Variants in SLC43A2 observed in about 807,000 individuals in gnomAD.
SLC43A2 encodes solute carrier family 43 member 2.
SLC43A2 carries 38 observed loss-of-function variants against 63.2 expected under a neutral mutation model. The ratio of observed to expected loss-of-function variants is 0.60; its 90% CI spans 0.46 to 0.79. The LOEUF is 0.79. SLC43A2 is among the 30% of genes least tolerant of loss of function. SLC43A2 has a pLI of 0.00. For synonymous variants in SLC43A2, 322 were observed against 331.0 expected, an observed-to-expected ratio of 0.97 and a Z score of 0.30; for missense variants, 644 against 756.2, an observed-to-expected ratio of 0.85 and a Z score of 1.74.
intron 5 of SLC43A2, among the ~76,000 whole-genome samples, chr17:1,600,856 AC>A (rs938585846): frequency 8.9e-5 from 13 of 146,180 alleles, no homozygotes; most frequent in Admixed American, 8.8e-4. Flanking sequence ...TTGCGCCCAG[AC>A]TTTTTTTTTT....
At chr17:1,604,739 C>T (rs769457182) in intron 5 of SLC43A2, 2 of 1,535,840 alleles carry the variant, frequency 1.3e-6, no homozygotes, top group East Asian at 2.4e-5. Flanking sequence ...CCTGCCCTCA[C>T]CTCCTGCTGT....
At position 1,575,595 on chromosome 17, in the gene SLC43A2, C is replaced by T. The variant is rs1159648924; in HGVS notation, c.*9G>A. The T allele has an allele frequency of 7.4e-6, 12 of 1,613,758 alleles. No individual in the cohort carries two copies. Among genetic ancestry groups the T allele is most frequent in the African/African-American group, 2.7e-5 (2 of 74,924 alleles). On this transcript the variant is annotated 3_prime_UTR_variant, in exon 14 of 14. Transcript: ENST00000301335. ...CAGGCAGGAGACCGCAGTTCCGAGG[C>T]GGCAGCCACTACACGAAGGCCTCCT...
rs773994503 is a variant in SLC43A2 at position 1,583,195 on chromosome 17, C to T, written c.1350+9G>A. ...CCTCCCACCTGCCCCTCCCACTCCC[C>T]ACACCCACCTGGAGAGGCAGGTTGG... is the stretch of plus-strand genomic sequence containing the variant. On this transcript the variant is annotated intron_variant, in intron 11 of 13. Coordinates refer to ENST00000301335, the MANE Select transcript of SLC43A2 (RefSeq NM_152346.3). The surrounding 1 kb of genome is among the most constrained non-coding windows in gnomAD (Gnocchi z 5.5). 17 of 1,613,612 alleles carry T rather than the reference C, an allele frequency of 1.1e-5. No individual in the cohort carries two copies. Among genetic ancestry groups the T allele is most frequent in the Admixed American group, 5.0e-5 (3 of 60,004 alleles).
intron 5 of SLC43A2, among the ~76,000 whole-genome samples, chr17:1,601,459 G>A (rs538836993): frequency 1.3e-5 from 2 of 152,022 alleles, no homozygotes; most frequent in African/African-American, 2.4e-5. Context: ...TCACACAGCC[G>A]ACAACCCCGC....
chr17:1,586,194 G>A, intron 9 of SLC43A2, 143 bp from the exon 10 acceptor site: 1 of 1,298,548 alleles, frequency 7.7e-7, no homozygotes, highest in Non-Finnish European at 1.0e-6. Context: ...GTCTTGCGAG[G>A]AGCCCGGAGA....
chr17:1,612,529 A>G (rs762789974), intron 5 of SLC43A2, among the ~76,000 whole-genome samples: 1 of 152,260 alleles, frequency 6.6e-6, no homozygotes, highest in Non-Finnish European at 1.5e-5. Context: ...AGGCTGCTCC[A>G]TGAGCCGAAG....
In SLC43A2 at chr17:1,616,770, C is replaced by G. The variant is rs148161453; in HGVS notation, c.161-1G>C. 1 of 1,613,578 alleles carries G rather than the reference C, an allele frequency of 6.2e-7. No homozygotes were observed. Among genetic ancestry groups the G allele is most frequent in the African/African-American group, 1.3e-5 (1 of 74,932 alleles). ...CCCACTGTGCCATTGGTGACATTCT[C>G]TGTGTGAAGAGGGAAGGAAACCCTG... On this transcript the variant is annotated splice_acceptor_variant, in intron 2 of 13. Coordinates refer to ENST00000301335, the MANE Select transcript of SLC43A2 (RefSeq NM_152346.3). LOFTEE classifies it high-confidence loss of function.
chr17:1,591,892 C>T (rs1904847046), intron 6 of SLC43A2, among the ~76,000 whole-genome samples, 193 bp from the exon 7 acceptor site: 2 of 152,180 alleles, frequency 1.3e-5, no homozygotes, highest in South Asian at 4.1e-4. Context: ...ACCGTGCCTG[C>T]CCTGCTGGTC....
At position 1,569,981 on chromosome 17, in the gene SLC43A2, G is replaced by A. The variant is rs896400293; in HGVS notation, c.*5623C>T. The A allele has an allele frequency of 4.8e-5, 7 of 145,594 alleles. No homozygotes were observed. Among genetic ancestry groups the A allele is most frequent in the African/African-American group, 7.7e-5 (3 of 38,978 alleles). The allele number at this position is 145,594 out of a possible 1,614,324, so 9.0% of individuals were successfully genotyped here. On this transcript the variant is annotated 3_prime_UTR_variant, in exon 14 of 14. Coordinates refer to ENST00000301335, the MANE Select transcript of SLC43A2 (RefSeq NM_152346.3). ...CGGCTCACTGCAAGCTTCACCTCCCGGGTTCATGCCATTCTCCTGCCTCAG... is the reference window on the plus strand; with the variant it reads ...CGGCTCACTGCAAGCTTCACCTCCCAGGTTCATGCCATTCTCCTGCCTCAG...
intron 6 of SLC43A2, 37 bp from the exon 7 acceptor site, chr17:1,591,736 G>GCC: frequency 1.1e-6 from 1 of 905,488 alleles, no homozygotes; most frequent in Non-Finnish European, 1.6e-6. Context: ...GGGGGGGGAG[G>GCC]GGGCAGAGTT....
At chr17:1,599,783 G>A (rs1181765202) in intron 5 of SLC43A2, among the ~76,000 whole-genome samples, 3 of 151,438 alleles carry the variant, frequency 2.0e-5, no homozygotes, top group Non-Finnish European at 4.4e-5. Flanking sequence ...GGTGGCTCAC[G>A]CCTGTAATCC....
At chr17:1,622,839 G>A (rs774370498) in intron 2 of SLC43A2, among the ~76,000 whole-genome samples, 11 of 152,116 alleles carry the variant, frequency 7.2e-5, no homozygotes, top group East Asian at 1.9e-4. Context: ...ACTTTAACCC[G>A]GGAGATGGAG....
intron 9 of SLC43A2, 92 bp from the exon 10 acceptor site, chr17:1,586,143 G>A: frequency 6.8e-7 from 1 of 1,472,840 alleles, no homozygotes; most frequent in Non-Finnish European, 9.0e-7. Context: ...GGTCCCCACA[G>A]GCTCTTCTGG....
chr17:1,623,882 G>C (rs1005162648), intron 2 of SLC43A2, among the ~76,000 whole-genome samples: 1 of 149,208 alleles, frequency 6.7e-6, no homozygotes, highest in African/African-American at 2.5e-5. Context: ...CTCCTCCAGG[G>C]TGTACCCTCC....
chr17:1,615,573 A>AGG, intron 3 of SLC43A2, among the ~76,000 whole-genome samples: 1 of 150,188 alleles, frequency 6.7e-6, no homozygotes. Flanking sequence ...GCCAGGCACG[A>AGG]TGGCTCACGC....
intron 5 of SLC43A2, among the ~76,000 whole-genome samples, chr17:1,597,108 C>T (rs561791311): frequency 3.3e-5 from 5 of 151,970 alleles, no homozygotes; most frequent in East Asian, 1.9e-4. Flanking sequence ...CCCAGCTACT[C>T]GGGAGGCTGA....
rs540078871 is a variant in SLC43A2, at chr17:1,605,318, C to T, written c.501+7877G>A. On this transcript the variant is annotated intron_variant, in intron 5 of 13. Coordinates refer to ENST00000301335, the MANE Select transcript of SLC43A2 (RefSeq NM_152346.3). This position sits in a 1 kb window ranked among gnomAD's most constrained non-coding sequence, Gnocchi z 4.9. ...AGGGGAAAACAGCAGCTGCAGGCGGCCCCTCCCCTGGCATTCTGGCCATAG... is the reference window on the plus strand; with the variant it reads ...AGGGGAAAACAGCAGCTGCAGGCGGTCCCTCCCCTGGCATTCTGGCCATAG... The T allele has an allele frequency of 3.2e-4, 266 of 831,512 alleles. No homozygotes were observed. In the African/African-American group the frequency reaches 4.6e-3, roughly 14 times the overall value. The allele number at this position is 831,512 out of a possible 1,614,324, so 51.5% of individuals were successfully genotyped here. A position where few individuals can be genotyped will look rare whatever the true frequency, so the allele number is the denominator to read the frequency against.
intron 5 of SLC43A2, among the ~76,000 whole-genome samples, chr17:1,608,480 G>A (rs1219493772): frequency 4.0e-5 from 6 of 151,778 alleles, no homozygotes; most frequent in African/African-American, 1.5e-4. Context: ...TGCAACCTCC[G>A]CCTCCCGGGT....
Position 1,584,051 on chromosome 17 carries a change from T to A in SLC43A2, c.1218-715A>T, listed in dbSNP as rs568970512. Among the ~76,000 whole-genome samples the A allele has an allele frequency of 2.4e-4, 36 of 151,964 alleles. 1 individual carries two copies. The highest frequency in any genetic ancestry group is 7.9e-4 in the Admixed American group (12 of 15,264). ...GCTGGGACTACAGGCACGCGCCACC[T>A]TACCCGGCTAATTTTTGCGTTTTTG... On this transcript the variant is annotated intron_variant, in intron 10 of 13. Coordinates refer to ENST00000301335, the MANE Select transcript of SLC43A2 (RefSeq NM_152346.3).
Sources: allele counts gnomAD v4.1 joint callset (sites outside exome capture counted in the v4.1 genomes callset), GRCh38; gene constraint gnomAD v4.1.1; non-coding constraint Gnocchi (gnomAD v3.1); transcripts MANE v1.5; gene names NCBI Gene and HGNC (gene_info 2026-07-23, HGNC 2026-07-21).